SORCS3: variants seen among roughly 807,000 people sequenced by gnomAD.
SORCS3 encodes sortilin related VPS10 domain containing receptor 3.
A neutral mutation model predicts 146.3 loss-of-function variants in SORCS3; 57 were observed. That is an observed-to-expected ratio of 0.39 (90% CI 0.31 to 0.49). The LOEUF (loss-of-function observed/expected upper bound fraction) is 0.49, where lower values mean the gene tolerates loss of function less well. Ranked by LOEUF, SORCS3 falls within the 20% of genes least tolerant of loss-of-function variation. The pLI, the probability that SORCS3 is intolerant of heterozygous loss-of-function variation, is 0.92. For synonymous variants in SORCS3, 653 were observed against 618.5 expected (o/e 1.06, Z -0.83); for missense variants, 1,341 against 1,575.5 (o/e 0.85, Z 2.52).
chr10:105,170,935 C>T (rs184808046), intron 13 of SORCS3, among the ~76,000 whole-genome samples: 330 of 152,194 alleles, frequency 2.2e-3, no homozygotes, highest in African/African-American at 7.6e-3. Context: ...AAGTGACAAC[C>T]CTCAAGGTAA....
chr10:104,654,518 G>A (rs1222222698), intron 1 of SORCS3, among the ~76,000 whole-genome samples: 1 of 152,132 alleles, frequency 6.6e-6, no homozygotes, highest in African/African-American at 2.4e-5. Flanking sequence ...GAGATGATAT[G>A]TTATTGTAGT....
At chr10:104,724,021 A>T (rs1250450029) in intron 1 of SORCS3, among the ~76,000 whole-genome samples, 5 of 152,158 alleles carry the variant, frequency 3.3e-5, no homozygotes, top group Admixed American at 6.5e-5. Context: ...TGTCATTATG[A>T]CGTTAGCTGG....
chr10:105,055,082 C>T (rs189580037), intron 5 of SORCS3, among the ~76,000 whole-genome samples: 2 of 152,218 alleles, frequency 1.3e-5, no homozygotes, highest in African/African-American at 4.8e-5. Context: ...TGGTTTGTCT[C>T]TCTTTTTATT....
intron 11 of SORCS3, among the ~76,000 whole-genome samples, chr10:105,163,604 A>G (rs776604219): frequency 2.0e-5 from 3 of 152,164 alleles, no homozygotes; most frequent in Admixed American, 2.0e-4. Flanking sequence ...TTTAATAAGC[A>G]TAGCCACAAG....
At chr10:105,242,964 T>TATAA (rs1311285153) in intron 20 of SORCS3, among the ~76,000 whole-genome samples, 1 of 123,984 alleles carries the variant, frequency 8.1e-6, no homozygotes, top group Non-Finnish European at 1.6e-5. Context: ...ATATTATATA[T>TATAA]TGTATGATAT....
chr10:105,221,688 A>G (rs1330559734), intron 19 of SORCS3, among the ~76,000 whole-genome samples: 1 of 152,172 alleles, frequency 6.6e-6, no homozygotes, highest in Non-Finnish European at 1.5e-5. Context: ...GGACGGCTAG[A>G]TGGCCTGAAA....
intron 20 of SORCS3, among the ~76,000 whole-genome samples, chr10:105,244,717 T>C (rs1162625445): frequency 6.6e-6 from 1 of 152,158 alleles, no homozygotes; most frequent in Non-Finnish European, 1.5e-5. Context: ...ACACATATAA[T>C]ATAAAAAGTC....
At chr10:104,795,961 A>G (rs2017550152) in intron 1 of SORCS3, among the ~76,000 whole-genome samples, 1 of 152,204 alleles carries the variant, frequency 6.6e-6, no homozygotes, top group Non-Finnish European at 1.5e-5. Flanking sequence ...TGTGAGTCAT[A>G]TGCCCCCTAG....
At chr10:104,978,638 T>C (rs892874158) in intron 4 of SORCS3, among the ~76,000 whole-genome samples, 11 of 152,202 alleles carry the variant, frequency 7.2e-5, no homozygotes, top group African/African-American at 2.4e-4. Context: ...TTCCATCCAC[T>C]TCTTTCTGTT....
At chr10:105,032,046 G>A (rs1015171479) in intron 4 of SORCS3, among the ~76,000 whole-genome samples, 1 of 152,106 alleles carries the variant, frequency 6.6e-6, no homozygotes, top group African/African-American at 2.4e-5. Context: ...TACAAAATGA[G>A]CCAGGTGTGG....
At chr10:105,249,563 T>C (rs1307008273) in intron 22 of SORCS3, among the ~76,000 whole-genome samples, 1 of 152,108 alleles carries the variant, frequency 6.6e-6, no homozygotes, top group Admixed American at 6.6e-5. Context: ...CAAATCTTTT[T>C]ACAAAGAGAC....
intron 2 of SORCS3, among the ~76,000 whole-genome samples, chr10:104,865,516 G>T (rs745814572): frequency 2.6e-5 from 4 of 152,000 alleles, no homozygotes; most frequent in Non-Finnish European, 4.4e-5. Context: ...AGGGAAAGAG[G>T]TTGGACCAGA....
At chr10:105,055,651 A>G (rs1166026387) in intron 5 of SORCS3, among the ~76,000 whole-genome samples, 1 of 152,200 alleles carries the variant, frequency 6.6e-6, no homozygotes, top group Non-Finnish European at 1.5e-5. Context: ...ATCCTTGTTA[A>G]TTTGGTAGCA....
intron 3 of SORCS3, among the ~76,000 whole-genome samples, chr10:104,928,569 C>A (rs528370789): frequency 6.6e-6 from 1 of 152,040 alleles, no homozygotes; most frequent in South Asian, 2.1e-4. Context: ...TTGCTACTGG[C>A]ATGCATGCCT....
intron 2 of SORCS3, among the ~76,000 whole-genome samples, chr10:104,848,841 T>G (rs1185084363): frequency 6.6e-6 from 1 of 152,136 alleles, no homozygotes; most frequent in East Asian, 1.9e-4. Context: ...TCAAGGAATG[T>G]TTCATTTGGT....
chr10:105,042,051 C>T (rs2055341920), intron 4 of SORCS3, among the ~76,000 whole-genome samples: 2 of 152,308 alleles, frequency 1.3e-5, no homozygotes, highest in Middle Eastern at 6.8e-3. Context: ...GGTTTATGTT[C>T]TCACCTGTTA....
At chr10:105,208,061 GC>G (rs1317382996) in intron 16 of SORCS3, among the ~76,000 whole-genome samples, 3 of 152,138 alleles carry the variant, frequency 2.0e-5, no homozygotes, top group Non-Finnish European at 4.4e-5. Flanking sequence ...AGTAATTCAG[GC>G]CAGGAACATG....
intron 20 of SORCS3, among the ~76,000 whole-genome samples, chr10:105,237,384 T>A (rs951953234): frequency 3.3e-5 from 5 of 152,188 alleles, no homozygotes; most frequent in Admixed American, 1.3e-4. Context: ...GTAGAAAGTG[T>A]TTAGAACACA....
At chr10:104,696,650 T>A (rs186741485) in intron 1 of SORCS3, among the ~76,000 whole-genome samples, 867 of 45,088 alleles carry the variant, frequency 0.019, no homozygotes, top group Non-Finnish European at 0.031. Flanking sequence ...ATAATATATA[T>A]TATATACGTA....
Sources: gnomAD v4.1 joint callset for allele counts (sites outside exome capture counted in the v4.1 genomes callset) on GRCh38, gnomAD v4.1.1 for gene constraint, MANE v1.5 for transcripts, NCBI Gene and HGNC (gene_info 2026-07-23, HGNC 2026-07-21) for gene names.